The following CTLA4 variants were observed in gnomAD, a reference collection of about 807,000 sequenced individuals.
CTLA4 encodes the protein cytotoxic T-lymphocyte associated protein 4.
CTLA4 carries 3 observed loss-of-function variants against 20.4 expected under a neutral mutation model. That is an observed-to-expected ratio of 0.15 (90% CI 0.07 to 0.38). The LOEUF is 0.38. Among genes scored for constraint, CTLA4 ranks in the 10% least tolerant of loss-of-function variants. The pLI, the probability that CTLA4 is intolerant of heterozygous loss-of-function variation, is 1.00. For synonymous variants in CTLA4, 100 were observed against 105.2 expected, an observed-to-expected ratio of 0.95 and a Z score of 0.30; for missense variants, 184 against 276.8, an observed-to-expected ratio of 0.66 and a Z score of 2.38.
chr2:203,873,327 CATATATATATAT>C lies in CTLA4; in HGVS notation c.*560_*571del, dbSNP rs60872763. ...TGCTAAAGGTTGTATTGCATATATA[CATATATATATAT>C]ATATATATATATATATATATATATA... On this transcript the variant is annotated 3_prime_UTR_variant, in exon 4 of 4. Transcript: ENST00000648405. 1,058 of 182,584 alleles carry C rather than the reference CATATATATATAT, an allele frequency of 5.8e-3. 3 individuals carry two copies. Among genetic ancestry groups the C allele is most frequent in the African/African-American group, 0.015 (466 of 30,522 alleles). The allele number at this position is 182,584 out of a possible 1,614,324, so 11.3% of individuals were successfully genotyped here. A position where few individuals can be genotyped will look rare whatever the true frequency, so the allele number is the denominator to read the frequency against.
Position 203,871,432 on chromosome 2 carries a change from G to C in CTLA4, c.512G>C (p.Ser171Thr), listed in dbSNP as rs768961499. Residue 171 changes from serine to threonine, a missense_variant, in exon 3 of 4, where the codon AGT becomes ACT. By Grantham distance (58) the Ser-to-Thr change is moderately conservative. Coordinates refer to ENST00000648405, the MANE Select transcript of CTLA4 (RefSeq NM_005214.5). ...DFLLWILAAV[S>T]SGLFFYSFLL... Reference sequence around the variant, plus strand: ...CTCCTCTGGATCCTTGCAGCAGTTAGTTCGGGGTTGTTTTTTTATAGCTTT... The same window carrying C: ...CTCCTCTGGATCCTTGCAGCAGTTACTTCGGGGTTGTTTTTTTATAGCTTT... 1 of 1,614,186 alleles carries C rather than the reference G, an allele frequency of 6.2e-7. No individual in the cohort carries two copies. The highest frequency in any genetic ancestry group is 8.5e-7 in the Non-Finnish European group (1 of 1,180,028).
intron 1 of CTLA4, 35 bp downstream of exon 1, chr2:203,868,086 G>A (rs755030089): frequency 1.4e-6 from 2 of 1,475,614 alleles, no homozygotes; most frequent in Middle Eastern, 1.7e-4. Flanking sequence ...AGATGGAGGA[G>A]GTGTTTCTCC....
rs188862082 is a variant in CTLA4, at chr2:203,870,887, G to A, written c.411G>A (p.Pro137=). Reference sequence around the variant, plus strand: ...GCAAGGTGGAGCTCATGTACCCACCGCCATACTACCTGGGCATAGGCAACG... The same window carrying A: ...GCAAGGTGGAGCTCATGTACCCACCACCATACTACCTGGGCATAGGCAACG... The part of the protein sequence containing the change: ...YICKVELMYP[P]PYYLGIGNGT... The change falls in exon 2 of 4, where the codon CCG becomes CCA. Residue 137 remains proline, a synonymous_variant. Transcript: ENST00000648405. This position sits in a 1 kb window ranked among gnomAD's most constrained non-coding sequence, Gnocchi z 5.3. 44 of 1,614,170 alleles carry A rather than the reference G, an allele frequency of 2.7e-5. No individual in the cohort carries two copies. Among genetic ancestry groups the A allele is most frequent in the African/African-American group, 1.2e-4 (9 of 75,048 alleles).
chr2:203,869,392 G>C (rs1266100119), intron 1 of CTLA4, among the ~76,000 whole-genome samples: 1 of 152,250 alleles, frequency 6.6e-6, no homozygotes, highest in Non-Finnish European at 1.5e-5. Flanking sequence ...TAGCTAGCTA[G>C]AGCTGCTGGA....
At chr2:203,872,296 C>T in intron 3 of CTLA4, among the ~76,000 whole-genome samples, 1 of 152,282 alleles carries the variant, frequency 6.6e-6, no homozygotes, top group Admixed American at 6.5e-5. Flanking sequence ...ACATCCTCTA[C>T]CCAACCTGAC....
At chr2:203,869,266 CTT>C (rs767672792) in intron 1 of CTLA4, among the ~76,000 whole-genome samples, 25 of 152,282 alleles carry the variant, frequency 1.6e-4, no homozygotes, top group Middle Eastern at 6.8e-3. Flanking sequence ...TCACAAATAA[CTT>C]TAATACAGAG....
At position 203,867,929 on chromosome 2, in the gene CTLA4, G is replaced by T; in HGVS notation, c.-14G>T. Reference sequence around the variant, plus strand: ...TCTACTTCCTGAAGACCTGAACACCGCTCCCATAAAGCCATGGCTTGCCTT... The same window carrying T: ...TCTACTTCCTGAAGACCTGAACACCTCTCCCATAAAGCCATGGCTTGCCTT... On this transcript the variant is annotated 5_prime_UTR_variant, in exon 1 of 4. Coordinates refer to ENST00000648405, the MANE Select transcript of CTLA4 (RefSeq NM_005214.5). 6.2e-7 allele frequency: 1 copy of T among 1,606,094 alleles called. No homozygotes were observed. The highest frequency in any genetic ancestry group is 8.5e-7 in the Non-Finnish European group (1 of 1,172,820).
intron 3 of CTLA4, among the ~76,000 whole-genome samples, chr2:203,872,303 T>C (rs558812504): frequency 6.6e-6 from 1 of 152,304 alleles, no homozygotes; most frequent in East Asian, 1.9e-4. Context: ...CTACCCAACC[T>C]GACAGAGATG....
chr2:203,871,354 G>A, intron 2 of CTLA4, 24 bp from the exon 3 acceptor site: 1 of 1,589,312 alleles, frequency 6.3e-7, no homozygotes, highest in Non-Finnish European at 8.6e-7. Flanking sequence ...TCTCAGGGAG[G>A]CTCTGCTTTG....
At position 203,873,190 on chromosome 2, in the gene CTLA4, T is replaced by C. The variant is rs1688764855; in HGVS notation, c.*378T>C. On this transcript the variant is annotated 3_prime_UTR_variant, in exon 4 of 4. Transcript: ENST00000648405. ...ACCTTATATTTACGTATGAGACGTTTATAGCCGAAATGATCTTTTCAAGTT... is the reference window on the plus strand; with the variant it reads ...ACCTTATATTTACGTATGAGACGTTCATAGCCGAAATGATCTTTTCAAGTT... 4.9e-6 allele frequency: 2 copies of C among 404,410 alleles called. No homozygotes were observed. Among genetic ancestry groups the C allele is most frequent in the South Asian group, 2.3e-4 (2 of 8,552 alleles). 25.1% of individuals were successfully genotyped at this position (404,410 alleles called of 1,614,324 possible).
In CTLA4 at chr2:203,870,807, C is replaced by A; in HGVS notation, c.331C>A (p.Gln111Lys). ...SICTGTSSGN[Q>K]VNLTIQGLRA... ...CTGCACGGGCACCTCCAGTGGAAAT[C>A]AAGTGAACCTCACTATCCAAGGACT... is the stretch of plus-strand genomic sequence containing the variant. The change falls in exon 2 of 4, where the codon CAA becomes AAA. Residue 111 changes from glutamine (Q) to lysine (K), a missense_variant. By Grantham distance (53) the Gln-to-Lys change is moderately conservative (BLOSUM62 1). Coordinates refer to ENST00000648405, the MANE Select transcript of CTLA4 (RefSeq NM_005214.5). This position sits in a 1 kb window ranked among gnomAD's most constrained non-coding sequence, Gnocchi z 5.3. 1.2e-6 allele frequency: 2 copies of A among 1,614,192 alleles called. No individual in the cohort carries two copies. The highest frequency in any genetic ancestry group is 1.7e-6 in the Non-Finnish European group (2 of 1,180,028).
chr2:203,872,634 T>C, intron 3 of CTLA4, 74 bp from the exon 4 acceptor site: 2 of 864,670 alleles, frequency 2.3e-6, no homozygotes, highest in Admixed American at 1.9e-5. Context: ...CCAATATGTG[T>C]TGAGTTCTAT....
chr2:203,870,135 ATT>A lies in CTLA4; in HGVS notation c.110-449_110-448del, dbSNP rs984261176. The A allele has an allele frequency of 5.9e-6, 1 of 168,102 alleles. No individual in the cohort carries two copies. Among genetic ancestry groups the A allele is most frequent in the Non-Finnish European group, 1.3e-5 (1 of 77,294 alleles). The allele number at this position is 168,102 out of a possible 1,614,324, so 10.4% of individuals were successfully genotyped here. On this transcript the variant is annotated intron_variant, in intron 1 of 3. Transcript: ENST00000648405. This position sits in a 1 kb window ranked among gnomAD's most constrained non-coding sequence, Gnocchi z 5.3. ...AAGATTCTGTACCTCAACCTTCAGAATTTCCCCTACCACTCATTATAGTTCCG... is the reference window on the plus strand; with the variant it reads ...AAGATTCTGTACCTCAACCTTCAGAATCCCCTACCACTCATTATAGTTCCG...
Position 203,870,463 on chromosome 2 carries a change from A to G in CTLA4, c.110-123A>G. The G allele has an allele frequency of 1.0e-6, 1 of 955,104 alleles. No homozygotes were observed. Among genetic ancestry groups the G allele is most frequent in the Non-Finnish European group, 1.5e-6 (1 of 645,478 alleles). 59.2% of individuals were successfully genotyped at this position (955,104 alleles called of 1,614,324 possible). ...GTGTGGAGAGGGGAAGGGGTAAGTG[A>G]TAGATTCGTTGAAGGGGGGAGAAAA... On this transcript the variant is annotated intron_variant, in intron 1 of 3. Coordinates refer to ENST00000648405, the MANE Select transcript of CTLA4 (RefSeq NM_005214.5). The surrounding 1 kb of genome is among the most constrained non-coding windows in gnomAD (Gnocchi z 5.3).
intron 3 of CTLA4, among the ~76,000 whole-genome samples, chr2:203,871,851 A>G (rs1688740139): frequency 6.6e-6 from 1 of 152,050 alleles, no homozygotes; most frequent in South Asian, 2.1e-4. Flanking sequence ...GCTAGAGAGG[A>G]CCACTTGGAT....
At position 203,870,019 on chromosome 2, in the gene CTLA4, A is replaced by C. The variant is rs1290153834; in HGVS notation, c.110-567A>C. Among the ~76,000 whole-genome samples, 1 of 152,188 alleles carries C rather than the reference A, an allele frequency of 6.6e-6. No individual in the cohort carries two copies. Among genetic ancestry groups the C allele is most frequent in the Non-Finnish European group, 1.5e-5 (1 of 68,028 alleles). On this transcript the variant is annotated intron_variant, in intron 1 of 3. Transcript: ENST00000648405. This position sits in a 1 kb window ranked among gnomAD's most constrained non-coding sequence, Gnocchi z 5.3. ...GGGAAGGCGGAGGCTGGTACAGTGC[A>C]TCAAGACACAGCTACTCCTGGGTGA...
chr2:203,868,100 C>G (rs376537840), intron 1 of CTLA4, 49 bp downstream of exon 1: 1 of 1,388,136 alleles, frequency 7.2e-7, no homozygotes, highest in Non-Finnish European at 1.0e-6. Context: ...TTTCTCCTAC[C>G]TGGGTTTCAT....
chr2:203,870,539 T>C lies in CTLA4; in HGVS notation c.110-47T>C, dbSNP rs1278798827. The C allele has an allele frequency of 4.4e-6, 7 of 1,589,554 alleles. No homozygotes were observed. Among genetic ancestry groups the C allele is most frequent in the Non-Finnish European group, 6.0e-6 (7 of 1,164,782 alleles). On this transcript the variant is annotated intron_variant, in intron 1 of 3. Coordinates refer to ENST00000648405, the MANE Select transcript of CTLA4 (RefSeq NM_005214.5). This position sits in a 1 kb window ranked among gnomAD's most constrained non-coding sequence, Gnocchi z 5.3. ...AGAAGGGCTTGCCTGGGCTTGGCCA[T>C]GAAGGAGCATGAGTTCACTGAGTTC... is the stretch of plus-strand genomic sequence containing the variant.
intron 1 of CTLA4, among the ~76,000 whole-genome samples, chr2:203,868,545 G>C (rs1648988934): frequency 6.6e-6 from 1 of 152,118 alleles, no homozygotes; most frequent in African/African-American, 2.4e-5. Flanking sequence ...TTAAAATGTA[G>C]GGAAATTGTG....
Sources: allele counts gnomAD v4.1 joint callset (sites outside exome capture counted in the v4.1 genomes callset), GRCh38; gene constraint gnomAD v4.1.1; non-coding constraint Gnocchi (gnomAD v3.1); transcripts MANE v1.5; gene names NCBI Gene and HGNC (gene_info 2026-07-23, HGNC 2026-07-21).